SPECC1L: variants seen among roughly 807,000 people sequenced by gnomAD.
SPECC1L encodes the protein sperm antigen with calponin homology and coiled-coil domains 1 like, also known as cytospin-A.
Under a neutral mutation model 116.8 loss-of-function variants are expected in SPECC1L, and 40 were observed. That is an observed-to-expected ratio of 0.34 (90% CI 0.27 to 0.45). The LOEUF is 0.45. Ranked by LOEUF, SPECC1L falls within the 20% of genes least tolerant of loss-of-function variation. The pLI is 1.00. For synonymous variants in SPECC1L, 504 were observed against 500.6 expected, an observed-to-expected ratio of 1.01 and a Z score of -0.09; for missense variants, 1,110 against 1,373.6, an observed-to-expected ratio of 0.81 and a Z score of 3.03.
At chr22:24,297,345 A>G (rs2049287137) in intron 2 of SPECC1L, among the ~76,000 whole-genome samples, 1 of 152,144 alleles carries the variant, frequency 6.6e-6, no homozygotes, top group Non-Finnish European at 1.5e-5. Flanking sequence ...TTTAGTAGAA[A>G]TGGAAATTTC....
At chr22:24,355,124 C>G (rs1391063938) in intron 11 of SPECC1L, among the ~76,000 whole-genome samples, 1 of 151,342 alleles carries the variant, frequency 6.6e-6, no homozygotes, top group Non-Finnish European at 1.5e-5. Flanking sequence ...ACTAAAAATA[C>G]AAAAATTAAT....
At chr22:24,401,024 C>T (rs1219744990) in intron 14 of SPECC1L, among the ~76,000 whole-genome samples, 1 of 152,170 alleles carries the variant, frequency 6.6e-6, no homozygotes, top group Admixed American at 6.5e-5. Context: ...GCCCTAGCGA[C>T]AAGATATCAG....
chr22:24,319,813 C>T lies in SPECC1L; in HGVS notation c.308-1475C>T, dbSNP rs62233116. 7.8e-3 allele frequency among the ~76,000 whole-genome samples: 1,183 copies of T among 152,334 alleles called. 9 individuals are homozygous for T. The highest frequency in any genetic ancestry group is 0.024 in the South Asian group (115 of 4,828). ...GTGGAGATCATTTGCTCCCTGTTAC[C>T]TCTACAGCCTGGATCCCACCACCTA... On this transcript the variant is annotated intron_variant, in intron 4 of 16. Coordinates refer to ENST00000314328, the MANE Select transcript of SPECC1L (RefSeq NM_015330.6).
In SPECC1L at chr22:24,325,945, G is replaced by GT. The variant is rs1385651689; in HGVS notation, c.2146+1524dup. ...CCTAACATTTTTTGTTTGCTTGCCTGTTTTTTGCTGTTTGTTTGCTTTTTT... is the reference window on the plus strand; with the variant it reads ...CCTAACATTTTTTGTTTGCTTGCCTGTTTTTTTGCTGTTTGTTTGCTTTTTT... On this transcript the variant is annotated intron_variant, in intron 6 of 16. Transcript: ENST00000314328. 2.6e-5 allele frequency among the ~76,000 whole-genome samples: 4 copies of GT among 152,190 alleles called. No homozygotes were observed. In the South Asian group the frequency reaches 6.2e-4, roughly 24 times the overall value.
In SPECC1L at chr22:24,324,217, T is replaced by C; in HGVS notation, c.1939-3T>C. 3 of 1,612,618 alleles carry C rather than the reference T, an allele frequency of 1.9e-6. No homozygotes were observed. The South Asian group carries it at 3.3e-5, about 18-fold the overall frequency. On this transcript the variant is annotated splice_polypyrimidine_tract_variant and splice_region_variant and intron_variant, in intron 5 of 16. Coordinates refer to ENST00000314328, the MANE Select transcript of SPECC1L (RefSeq NM_015330.6). ...CTAAATCTGCATCGTCAATTTTACG[T>C]AGGTAGAGGATGAATACCGAGCCTT...
At chr22:24,392,331 T>G (rs1402932890) in intron 14 of SPECC1L, among the ~76,000 whole-genome samples, 1 of 152,212 alleles carries the variant, frequency 6.6e-6, no homozygotes, top group Non-Finnish European at 1.5e-5. Context: ...ATGTATCATC[T>G]CAAATAACAG....
chr22:24,316,113 T>A (rs540438036), intron 4 of SPECC1L, among the ~76,000 whole-genome samples: 1 of 152,362 alleles, frequency 6.6e-6, no homozygotes, highest in South Asian at 2.1e-4. Flanking sequence ...ATTCTTCAGT[T>A]CATCTGCTCT....
At chr22:24,272,950 A>G (rs564694221) in intron 1 of SPECC1L, among the ~76,000 whole-genome samples, 4 of 152,202 alleles carry the variant, frequency 2.6e-5, no homozygotes, top group Non-Finnish European at 5.9e-5. Flanking sequence ...TCAGTAAGAA[A>G]GTGAATGTTG....
rs1252725067 is a variant in SPECC1L at position 24,330,347 on chromosome 22, T to G, written c.2312T>G (p.Ile771Ser). The change falls in exon 8 of 17, where the codon ATT becomes AGT. Residue 771 changes from isoleucine to serine, a missense_variant. Ile to Ser is a moderately radical substitution (Grantham distance 142). This residue lies in a region of SPECC1L where 575 missense variants were observed against 682.4 expected (regional missense o/e 0.84). Coordinates refer to ENST00000314328, the MANE Select transcript of SPECC1L (RefSeq NM_015330.6). Reference protein sequence around the residue: ...NDIKSEAQEEIGDLKRRLHEA... With the variant: ...NDIKSEAQEESGDLKRRLHEA... ...ATTAAATCTGAAGCCCAAGAGGAGA[T>G]TGGTGATCTAAAGCGCCGGTTACAT... is the stretch of plus-strand genomic sequence containing the variant. 6.2e-7 allele frequency: 1 copy of G among 1,614,064 alleles called. No individual in the cohort carries two copies. The highest frequency in any genetic ancestry group is 1.7e-5 in the Admixed American group (1 of 60,002).
chr22:24,318,268 C>G (rs549025478), intron 4 of SPECC1L, among the ~76,000 whole-genome samples: 1 of 152,238 alleles, frequency 6.6e-6, no homozygotes. Context: ...TCTGCAATCC[C>G]GGCACCTCGG....
chr22:24,372,017 G>A (rs375540884), intron 14 of SPECC1L, among the ~76,000 whole-genome samples: 132 of 152,200 alleles, frequency 8.7e-4, no homozygotes, highest in Non-Finnish European at 1.3e-3. Context: ...CACCGCGCCC[G>A]GTCTCAAAGG....
At chr22:24,379,410 C>T (rs1477265759) in intron 14 of SPECC1L, among the ~76,000 whole-genome samples, 1 of 151,896 alleles carries the variant, frequency 6.6e-6, no homozygotes, top group African/African-American at 2.4e-5. Context: ...AATTTACTTC[C>T]TCTTGATTAT....
intron 2 of SPECC1L, among the ~76,000 whole-genome samples, chr22:24,277,608 T>G (rs2048861531): frequency 6.6e-6 from 1 of 152,244 alleles, no homozygotes; most frequent in Non-Finnish European, 1.5e-5. Context: ...CTAGGTATTT[T>G]TATGTAAATG....
intron 14 of SPECC1L, among the ~76,000 whole-genome samples, chr22:24,394,395 C>T (rs1165301623): frequency 6.6e-6 from 1 of 152,196 alleles, no homozygotes; most frequent in Non-Finnish European, 1.5e-5. Flanking sequence ...TTTAAAAGCA[C>T]ACTAATCCCG....
chr22:24,365,798 G>A (rs2041751885), intron 13 of SPECC1L, among the ~76,000 whole-genome samples, 166 bp downstream of exon 13: 1 of 150,158 alleles, frequency 6.7e-6, no homozygotes, highest in Non-Finnish European at 1.5e-5. Flanking sequence ...TGGTATAGAA[G>A]ACACTGACAA....
intron 15 of SPECC1L, chr22:24,412,416 A>G: frequency 1.6e-6 from 1 of 611,262 alleles, no homozygotes; most frequent in South Asian, 1.8e-5. Context: ...GGAGTGAGGA[A>G]AGAACGGGTG....
chr22:24,364,775 G>A (rs2041719487), intron 12 of SPECC1L, among the ~76,000 whole-genome samples: 1 of 152,020 alleles, frequency 6.6e-6, no homozygotes, highest in Non-Finnish European at 1.5e-5. Context: ...TAGAAGGGTT[G>A]TATTGATTTG....
intron 3 of SPECC1L, among the ~76,000 whole-genome samples, chr22:24,308,079 G>A (rs1376063907): frequency 1.3e-5 from 2 of 151,270 alleles, no homozygotes; most frequent in Admixed American, 6.6e-5. Flanking sequence ...GGGGTGGGGG[G>A]GCTGTTTCAG....
At chr22:24,284,423 C>CTTT (rs2049003054) in intron 2 of SPECC1L, among the ~76,000 whole-genome samples, 1 of 151,810 alleles carries the variant, frequency 6.6e-6, no homozygotes, top group Admixed American at 6.6e-5. Context: ...AATAGAGAAT[C>CTTT]TTTTATTTTA....
Sources: gnomAD v4.1 joint callset for allele counts (sites outside exome capture counted in the v4.1 genomes callset) on GRCh38, gnomAD v4.1.1 for gene constraint, gnomAD v4.1.1 regional missense constraint, MANE v1.5 for transcripts, NCBI Gene and HGNC (gene_info 2026-07-23, HGNC 2026-07-21) for gene names.